Variants in EXTL3 observed in about 807,000 individuals in gnomAD.
EXTL3 encodes exostosin like glycosyltransferase 3.
A neutral mutation model predicts 69.3 loss-of-function variants in EXTL3; 27 were observed. The observed-to-expected ratio is 0.39, with a 90% CI of 0.29 to 0.54. The LOEUF (loss-of-function observed/expected upper bound fraction) is 0.54. EXTL3 is among the 20% of genes least tolerant of loss of function. EXTL3 has a pLI of 0.69. For synonymous variants in EXTL3, 511 were observed against 499.4 expected, an observed-to-expected ratio of 1.02 and a Z score of -0.31; for missense variants, 1,003 against 1,231.8, an observed-to-expected ratio of 0.81 and a Z score of 2.78.
At chr8:28,682,685 G>GC (rs1807510108) in intron 1 of EXTL3, among the ~76,000 whole-genome samples, 2 of 152,072 alleles carry the variant, frequency 1.3e-5, no homozygotes, top group African/African-American at 4.8e-5. Context: ...CTCAAGTGAT[G>GC]CCCCCACCTT....
At chr8:28,638,285 T>C (rs1384790593) in intron 1 of EXTL3, among the ~76,000 whole-genome samples, 1 of 152,198 alleles carries the variant, frequency 6.6e-6, no homozygotes, top group African/African-American at 2.4e-5. Context: ...TATGGAGCTA[T>C]TTATGGTTGC....
At chr8:28,738,203 G>A (rs550610469) in intron 5 of EXTL3, among the ~76,000 whole-genome samples, 1 of 152,240 alleles carries the variant, frequency 6.6e-6, no homozygotes, top group South Asian at 2.1e-4. Context: ...CTACTGTTCT[G>A]TATTCTGTTT....
chr8:28,694,777 C>G (rs1800661042), intron 1 of EXTL3, among the ~76,000 whole-genome samples: 1 of 152,140 alleles, frequency 6.6e-6, no homozygotes, highest in Non-Finnish European at 1.5e-5. Context: ...TTTGGGAGGC[C>G]AAAGCAGGCA....
chr8:28,666,066 G>T (rs1807192007), intron 1 of EXTL3, among the ~76,000 whole-genome samples: 1 of 152,190 alleles, frequency 6.6e-6, no homozygotes, highest in East Asian at 1.9e-4. Context: ...CCCTCCAGGA[G>T]TTTTTAAGAT....
At chr8:28,673,573 G>A (rs1228359286) in intron 1 of EXTL3, among the ~76,000 whole-genome samples, 1 of 152,098 alleles carries the variant, frequency 6.6e-6, no homozygotes, top group African/African-American at 2.4e-5. Context: ...GCTTTCCTGG[G>A]TCTCTGGCTT....
chr8:28,756,144 T>G (rs140066321), downstream of EXTL3, among the ~76,000 whole-genome samples: 7 of 152,320 alleles, frequency 4.6e-5, no homozygotes, highest in Non-Finnish European at 1.0e-4. Context: ...TGTGCATTCT[T>G]TTGAGTTCTG....
intron 1 of EXTL3, among the ~76,000 whole-genome samples, chr8:28,690,202 C>T (rs963034195): frequency 6.6e-6 from 1 of 151,728 alleles, no homozygotes; most frequent in South Asian, 2.1e-4. Flanking sequence ...TTTAATTTTT[C>T]TTCTCTCTTT....
At chr8:28,711,858 G>T (rs185184097) in intron 1 of EXTL3, among the ~76,000 whole-genome samples, 4 of 152,282 alleles carry the variant, frequency 2.6e-5, no homozygotes, top group Admixed American at 2.0e-4. Context: ...TGGAAGTCCA[G>T]GGGAGAATTG....
At chr8:28,756,178 C>G (rs771189536), downstream of EXTL3, among the ~76,000 whole-genome samples, 1 of 152,190 alleles carries the variant, frequency 6.6e-6, no homozygotes, top group Non-Finnish European at 1.5e-5. Context: ...CCTGTGTAAC[C>G]CAGACCCCTC....
intron 1 of EXTL3, among the ~76,000 whole-genome samples, chr8:28,631,985 G>A (rs1806576681): frequency 6.6e-6 from 1 of 151,984 alleles, no homozygotes; most frequent in African/African-American, 2.4e-5. Flanking sequence ...CTACTTGGGA[G>A]GCTGAGGCAA....
intron 1 of EXTL3, among the ~76,000 whole-genome samples, chr8:28,654,244 A>C (rs560958153): frequency 6.6e-6 from 1 of 152,324 alleles, no homozygotes; most frequent in South Asian, 2.1e-4. Flanking sequence ...TGGTTTCCCC[A>C]GTCATGGTTT....
At chr8:28,616,660 A>C (rs1221078195) in intron 2 of EXTL3, among the ~76,000 whole-genome samples, 1 of 151,762 alleles carries the variant, frequency 6.6e-6, no homozygotes, top group Non-Finnish European at 1.5e-5. Flanking sequence ...TGTGCTCTTC[A>C]AGATTCTTGC....
At chr8:28,616,074 T>C (rs13271325) in intron 2 of EXTL3, among the ~76,000 whole-genome samples, 31,879 of 151,548 alleles carry the variant, frequency 0.21, 3,986 homozygotes, top group Non-Finnish European at 0.28. Context: ...GACTATCTTT[T>C]AAAAAAAGAA....
chr8:28,728,764 G>C (rs1031006779), intron 3 of EXTL3, among the ~76,000 whole-genome samples: 1 of 152,092 alleles, frequency 6.6e-6, no homozygotes, highest in African/African-American at 2.4e-5. Context: ...GTGCATGCCT[G>C]TAGGTCCCAG....
chr8:28,625,997 CAAAAAAAAAAAAAA>C (rs67403576), intron 1 of EXTL3, among the ~76,000 whole-genome samples: 3 of 41,102 alleles, frequency 7.3e-5, no homozygotes, highest in Admixed American at 4.1e-4. Context: ...CACATTTCTC[CAAAAAAAAAAAAAA>C]AAAAAAAAAA....
chr8:28,655,582 C>G lies in EXTL3; in HGVS notation c.-53+32772C>G, dbSNP rs143099166. On this transcript the variant is annotated intron_variant, in intron 1 of 6. Transcript: ENST00000523149. Reference sequence around the variant, plus strand: ...CATAGCTCACTGCATCTTTGACCTCCCTGGGCTTAGGCGATCTTCCCACCT... The same window carrying G: ...CATAGCTCACTGCATCTTTGACCTCGCTGGGCTTAGGCGATCTTCCCACCT... 1.4e-3 allele frequency among the ~76,000 whole-genome samples: 207 copies of G among 151,518 alleles called. 1 individual carries two copies. In the East Asian group the frequency reaches 0.035, roughly 25 times the overall value.
chr8:28,611,675 C>T (rs897511488), intron 2 of EXTL3, among the ~76,000 whole-genome samples: 2 of 152,150 alleles, frequency 1.3e-5, no homozygotes, highest in African/African-American at 4.8e-5. Flanking sequence ...GTTGTGAGCC[C>T]CGAGGTGAAA....
At chr8:28,626,518 G>C (rs573919247) in intron 1 of EXTL3, among the ~76,000 whole-genome samples, 2 of 152,302 alleles carry the variant, frequency 1.3e-5, no homozygotes, top group African/African-American at 2.4e-5. Context: ...GACATTATCA[G>C]CTTTCTTAGA....
At chr8:28,720,117 A>T (rs1038139245) in intron 3 of EXTL3, among the ~76,000 whole-genome samples, 1 of 152,114 alleles carries the variant, frequency 6.6e-6, no homozygotes, top group Non-Finnish European at 1.5e-5. Flanking sequence ...TGTGCTTTCT[A>T]TCTAGGAGAG....
Sources: gnomAD v4.1 joint callset for allele counts (sites outside exome capture counted in the v4.1 genomes callset) on GRCh38, gnomAD v4.1.1 for gene constraint, MANE v1.5 for transcripts, NCBI Gene and HGNC (gene_info 2026-07-23, HGNC 2026-07-21) for gene names.